The following NEGR1 variants were observed in gnomAD, a reference collection of about 807,000 sequenced individuals.
The protein encoded by NEGR1 is IgLON family member 4.
NEGR1 carries 10 observed loss-of-function variants against 40.9 expected under a neutral mutation model. The ratio of observed to expected loss-of-function variants is 0.24; its 90% CI spans 0.15 to 0.42. The LOEUF (loss-of-function observed/expected upper bound fraction) is 0.42. NEGR1 is among the 10% of genes least tolerant of loss of function. The probability of loss-of-function intolerance (pLI) is 1.00; values close to 1 mark genes in which losing one functional copy is unlikely to be tolerated. For missense variants in NEGR1, 352 were observed against 438.9 expected, an observed-to-expected ratio of 0.80 and a Z score of 1.77; for synonymous variants, 185 against 166.8, an observed-to-expected ratio of 1.11 and a Z score of -0.84.
chr1:71,849,159 A>G (rs1485970062), intron 2 of NEGR1, among the ~76,000 whole-genome samples: 2 of 152,142 alleles, frequency 1.3e-5, no homozygotes, highest in Non-Finnish European at 2.9e-5. Context: ...CCTCTGATGG[A>G]TCTGGGTAAA....
intron 2 of NEGR1, among the ~76,000 whole-genome samples, chr1:71,799,077 G>A (rs1489417943): frequency 6.6e-6 from 1 of 151,654 alleles, no homozygotes; most frequent in Non-Finnish European, 1.5e-5. Context: ...TAAGTTCTGG[G>A]ATACATGTGC....
intron 1 of NEGR1, among the ~76,000 whole-genome samples, chr1:72,194,711 G>A (rs1307456186): frequency 6.6e-6 from 1 of 152,016 alleles, no homozygotes; most frequent in Non-Finnish European, 1.5e-5. Context: ...TTTCACAAAG[G>A]GGATTTTATA....
At chr1:72,213,644 T>C (rs1653691406) in intron 1 of NEGR1, among the ~76,000 whole-genome samples, 1 of 151,916 alleles carries the variant, frequency 6.6e-6, no homozygotes, top group Non-Finnish European at 1.5e-5. Context: ...AGTCCCAAAA[T>C]ATTGCTAGTT....
Position 71,655,154 on chromosome 1 carries a change from T to C in NEGR1, c.667+42854A>G, listed in dbSNP as rs1162490840. ...ATTTATTCAAGGAGATTTTATTGAG[T>C]ATCTTTATTTTGGCAGAGTCTAGAA... On this transcript the variant is annotated intron_variant, in intron 4 of 6. Transcript: ENST00000357731. Among the ~76,000 whole-genome samples, 3 of 152,320 alleles carry C rather than the reference T, an allele frequency of 2.0e-5. No individual in the cohort carries two copies. In the East Asian group the frequency reaches 5.8e-4, roughly 29 times the overall value.
chr1:71,466,701 T>G (rs1646748400), intron 6 of NEGR1, among the ~76,000 whole-genome samples: 1 of 152,046 alleles, frequency 6.6e-6, no homozygotes, highest in African/African-American at 2.4e-5. Flanking sequence ...ATGTTTGGCT[T>G]ATAACCAAGG....
Position 72,059,520 on chromosome 1 carries a change from A to C in NEGR1, c.177-124209T>G, listed in dbSNP as rs562123851. Among the ~76,000 whole-genome samples the C allele has an allele frequency of 2.7e-3, 413 of 151,758 alleles. 4 individuals carry two copies. The highest frequency in any genetic ancestry group is 4.2e-3 in the Non-Finnish European group (287 of 67,746). On this transcript the variant is annotated intron_variant, in intron 1 of 6. Coordinates refer to ENST00000357731, the MANE Select transcript of NEGR1 (RefSeq NM_173808.3). ...TATGATTAATAATTGTTTGAAGTTTAAAACTGTTTGTTTTTTGCACTGTTG... is the reference window on the plus strand; with the variant it reads ...TATGATTAATAATTGTTTGAAGTTTCAAACTGTTTGTTTTTTGCACTGTTG...
intron 1 of NEGR1, among the ~76,000 whole-genome samples, chr1:72,198,624 A>C: frequency 6.6e-6 from 1 of 152,022 alleles, no homozygotes; most frequent in East Asian, 1.9e-4. Flanking sequence ...TTTCTGATTT[A>C]TAATACTCTT....
chr1:71,769,361 T>A (rs375105280), intron 3 of NEGR1, among the ~76,000 whole-genome samples: 7 of 152,282 alleles, frequency 4.6e-5, no homozygotes, highest in African/African-American at 1.7e-4. Flanking sequence ...TCAAGAGTCA[T>A]AAAGAGGCCC....
At chr1:71,812,237 T>A (rs1293372512) in intron 2 of NEGR1, among the ~76,000 whole-genome samples, 1 of 152,164 alleles carries the variant, frequency 6.6e-6, no homozygotes, top group Non-Finnish European at 1.5e-5. Flanking sequence ...TCATTCCTTT[T>A]TATGGCTGTA....
chr1:72,209,285 T>G (rs535358790), intron 1 of NEGR1, among the ~76,000 whole-genome samples: 1 of 151,714 alleles, frequency 6.6e-6, no homozygotes, highest in Non-Finnish European at 1.5e-5. Context: ...CCTGAAAATA[T>G]ATTTGACTCT....
At chr1:71,704,246 A>T (rs1653811899) in intron 3 of NEGR1, among the ~76,000 whole-genome samples, 1 of 151,876 alleles carries the variant, frequency 6.6e-6, no homozygotes, top group Admixed American at 6.6e-5. Context: ...AAGAAGTTGG[A>T]AAAGAAAGAA....
chr1:71,706,440 G>A (rs538933676), intron 3 of NEGR1, among the ~76,000 whole-genome samples: 2 of 151,938 alleles, frequency 1.3e-5, no homozygotes, highest in South Asian at 4.2e-4. Context: ...TGAGTCCTAG[G>A]GAAGAACTAG....
At chr1:71,496,682 A>G (rs75737487) in intron 6 of NEGR1, among the ~76,000 whole-genome samples, 5,892 of 152,130 alleles carry the variant, frequency 0.039, 372 homozygotes, top group African/African-American at 0.13. Flanking sequence ...CTAAATTGGG[A>G]CAATTCTATA....
At chr1:71,711,172 C>CG (rs1654069417) in intron 3 of NEGR1, among the ~76,000 whole-genome samples, 1 of 147,602 alleles carries the variant, frequency 6.8e-6, no homozygotes, top group African/African-American at 2.5e-5. Flanking sequence ...CCTGTCTCTA[C>CG]TAAAAAAAAA....
chr1:71,445,251 T>C (rs1263876193), intron 6 of NEGR1, among the ~76,000 whole-genome samples: 2 of 151,402 alleles, frequency 1.3e-5, no homozygotes, highest in Non-Finnish European at 2.9e-5. Context: ...GAAACTGCAA[T>C]ACATCAAGGA....
Position 71,935,047 on chromosome 1 carries a change from T to G in NEGR1, c.409+32A>C, listed in dbSNP as rs1220481204. On this transcript the variant is annotated intron_variant, in intron 2 of 6. Transcript: ENST00000357731. ...ATATTAAATATTTCTAAGCACAGTC[T>G]TTCACAATATAGCAGTTCTGAAAAT... 15 of 1,281,274 alleles carry G rather than the reference T, an allele frequency of 1.2e-5. No homozygotes were observed. The South Asian group carries it at 1.4e-4, about 12-fold the overall frequency. 79.4% of individuals were successfully genotyped at this position (1,281,274 alleles called of 1,614,324 possible). A position where few individuals can be genotyped will look rare whatever the true frequency, so the allele number is the denominator to read the frequency against.
At chr1:72,017,390 T>C (rs544083748) in intron 1 of NEGR1, among the ~76,000 whole-genome samples, 1 of 152,264 alleles carries the variant, frequency 6.6e-6, no homozygotes, top group South Asian at 2.1e-4. Flanking sequence ...ATTAGGCCTC[T>C]ATTATAAAGT....
intron 6 of NEGR1, among the ~76,000 whole-genome samples, chr1:71,579,637 T>C (rs1002897149): frequency 6.8e-6 from 1 of 146,192 alleles, no homozygotes; most frequent in African/African-American, 2.6e-5. Flanking sequence ...GAGAGGATGA[T>C]ATGAAAGGGA....
chr1:71,483,190 A>T (rs1646865621), intron 6 of NEGR1, among the ~76,000 whole-genome samples: 1 of 151,598 alleles, frequency 6.6e-6, no homozygotes, highest in Non-Finnish European at 1.5e-5. Context: ...ATTTTCTAGG[A>T]ATAGCACAAA....
Sources: gnomAD v4.1 joint callset for allele counts (sites outside exome capture counted in the v4.1 genomes callset) on GRCh38, gnomAD v4.1.1 for gene constraint, MANE v1.5 for transcripts, NCBI Gene and HGNC (gene_info 2026-07-23, HGNC 2026-07-21) for gene names.